The following EXOSC5 variants were observed in gnomAD, a reference collection of about 807,000 sequenced individuals.
EXOSC5 encodes the protein exosome component 5, also known as exosome complex component RRP46.
A neutral mutation model predicts 23.7 loss-of-function variants in EXOSC5; 15 were observed. The ratio of observed to expected loss-of-function variants is 0.63; its 90% CI spans 0.42 to 0.97. The LOEUF (loss-of-function observed/expected upper bound fraction) is 0.97. Ranked by LOEUF, EXOSC5 falls within the 50% of genes least tolerant of loss-of-function variation. The pLI is 0.00. For missense variants in EXOSC5, 305 were observed against 316.3 expected (o/e 0.96, Z 0.27); for synonymous variants, 143 against 140.9 (o/e 1.02, Z -0.11).
intron 2 of EXOSC5, among the ~76,000 whole-genome samples, chr19:41,392,639 A>C (rs1009456608): frequency 1.3e-5 from 2 of 152,012 alleles, no homozygotes; most frequent in Non-Finnish European, 2.9e-5. Flanking sequence ...TAATGGAATG[A>C]ATGAGAGTGG....
At chr19:41,394,897 G>T (rs1208044926) in intron 1 of EXOSC5, among the ~76,000 whole-genome samples, 2 of 151,970 alleles carry the variant, frequency 1.3e-5, no homozygotes, top group Admixed American at 1.3e-4. Flanking sequence ...AGCCGGGCGC[G>T]GTGGCACGCA....
At chr19:41,393,510 A>G (rs967716639) in intron 1 of EXOSC5, among the ~76,000 whole-genome samples, 5 of 151,612 alleles carry the variant, frequency 3.3e-5, no homozygotes, top group Admixed American at 2.0e-4. Context: ...TGTAATCCCA[A>G]GGTGCTAGGA....
intron 3 of EXOSC5, 136 bp downstream of exon 3, chr19:41,391,705 T>C: frequency 2.5e-6 from 3 of 1,223,814 alleles, no homozygotes; most frequent in South Asian, 1.8e-5. Flanking sequence ...CCCAGGCTGT[T>C]TGCTCTCCTT....
At position 41,387,539 on chromosome 19, in the gene EXOSC5, G is replaced by A. The variant is rs2038993130; in HGVS notation, c.590C>T (p.Thr197Ile). 1.9e-6 allele frequency: 3 copies of A among 1,605,068 alleles called. No individual in the cohort carries two copies. The highest frequency in any genetic ancestry group is 2.6e-6 in the Non-Finnish European group (3 of 1,176,440). Reference protein sequence around the residue: ...SVERKLLMSSTKGLYSDTELQ... With the variant: ...SVERKLLMSSIKGLYSDTELQ... ...CTCAGTGTCTGAGTAGAGCCCCTTGGTGCTGGACATCAGCAGCTTCCGTTC... is the reference window on the plus strand; with the variant it reads ...CTCAGTGTCTGAGTAGAGCCCCTTGATGCTGGACATCAGCAGCTTCCGTTC... The change falls in exon 5 of 6, where the codon ACC becomes ATC. Residue 197 changes from threonine to isoleucine, a missense_variant. Thr to Ile is a moderately conservative substitution (Grantham distance 89). Coordinates refer to ENST00000221233, the MANE Select transcript of EXOSC5 (RefSeq NM_020158.4).
chr19:41,394,339 T>C (rs534085905), intron 1 of EXOSC5, among the ~76,000 whole-genome samples: 14 of 147,012 alleles, frequency 9.5e-5, no homozygotes, highest in Non-Finnish European at 1.6e-4. Context: ...GATCACACCA[T>C]TGCACTCCAG....
At chr19:41,391,644 G>A in intron 3 of EXOSC5, 197 bp downstream of exon 3, 1 of 605,474 alleles carries the variant, frequency 1.7e-6, no homozygotes, top group Non-Finnish European at 2.6e-6. Context: ...TATATTACAT[G>A]AGTTAATGTG....
At chr19:41,386,807 C>A in intron 5 of EXOSC5, 82 bp from the exon 6 acceptor site, 7 of 1,250,254 alleles carry the variant, frequency 5.6e-6, no homozygotes, top group Non-Finnish European at 7.8e-6. Context: ...GTTCTGCTGA[C>A]CCCACCTGAC....
chr19:41,391,033 C>T (rs1256632069), intron 3 of EXOSC5, among the ~76,000 whole-genome samples: 1 of 152,152 alleles, frequency 6.6e-6, no homozygotes, highest in Non-Finnish European at 1.5e-5. Context: ...AGGGCGCCCC[C>T]AGCACTGAGG....
At chr19:41,390,373 T>C (rs1044609655) in intron 3 of EXOSC5, among the ~76,000 whole-genome samples, 2 of 152,224 alleles carry the variant, frequency 1.3e-5, no homozygotes, top group African/African-American at 4.8e-5. Context: ...GGGGATCAAG[T>C]AGCCCTGGGT....
intron 1 of EXOSC5, 36 bp from the exon 2 acceptor site, chr19:41,393,016 T>C (rs1419051686): frequency 6.3e-7 from 1 of 1,590,764 alleles, no homozygotes; most frequent in Non-Finnish European, 8.6e-7. Context: ...ACTCACAGCT[T>C]CCCTGCTCCT....
chr19:41,390,590 C>T (rs1050799552), intron 3 of EXOSC5, among the ~76,000 whole-genome samples: 18 of 152,268 alleles, frequency 1.2e-4, no homozygotes, highest in African/African-American at 3.9e-4. Flanking sequence ...AAGCCAGGCC[C>T]GAAACTTGGG....
chr19:41,392,085 AG>A (rs771598595), intron 2 of EXOSC5, 123 bp from the exon 3 acceptor site: 3 of 1,395,182 alleles, frequency 2.2e-6, no homozygotes, highest in Non-Finnish European at 2.9e-6. Flanking sequence ...AGTTACCTGC[AG>A]GGATGATGGA....
At chr19:41,393,060 AG>A in intron 1 of EXOSC5, 80 bp from the exon 2 acceptor site, 1 of 1,132,622 alleles carries the variant, frequency 8.8e-7, no homozygotes. Context: ...CCTGACGGCC[AG>A]GGCTCCCCAC....
chr19:41,392,138 T>A, intron 2 of EXOSC5, 176 bp from the exon 3 acceptor site: 1 of 845,298 alleles, frequency 1.2e-6, no homozygotes, highest in Non-Finnish European at 1.7e-6. Context: ...TGCCATCCAC[T>A]GACCCCTGCT....
intron 2 of EXOSC5, chr19:41,392,248 T>A (rs142425571): frequency 4.4e-6 from 2 of 456,816 alleles, no homozygotes; most frequent in East Asian, 4.4e-5. Flanking sequence ...GCAGGTCCAG[T>A]CAGTGGGGAC....
intron 1 of EXOSC5, among the ~76,000 whole-genome samples, chr19:41,394,380 A>AT (rs1201071038): frequency 3.0e-4 from 46 of 151,280 alleles, no homozygotes; most frequent in Non-Finnish European, 5.2e-4. Context: ...CTTAGTCTCA[A>AT]TAAAAAAAAA....
intron 3 of EXOSC5, among the ~76,000 whole-genome samples, chr19:41,390,261 A>G (rs1425388466): frequency 6.6e-6 from 1 of 152,188 alleles, no homozygotes; most frequent in Non-Finnish European, 1.5e-5. Flanking sequence ...AGGCCTGGCC[A>G]GCAGAGCAGA....
At position 41,391,182 on chromosome 19, in the gene EXOSC5, C is replaced by A. The variant is rs865872192; in HGVS notation, c.384+659G>T. ...GAGTTCGAGACCAGCCTGGCCAACA[C>A]AGCAAAACCCCGTCTCTACTAAAAA... On this transcript the variant is annotated intron_variant, in intron 3 of 5. Coordinates refer to ENST00000221233, the MANE Select transcript of EXOSC5 (RefSeq NM_020158.4). Among the ~76,000 whole-genome samples, 3 of 152,140 alleles carry A rather than the reference C, an allele frequency of 2.0e-5. No individual in the cohort carries two copies. In the South Asian group the frequency reaches 6.2e-4, roughly 32 times the overall value.
intron 1 of EXOSC5, among the ~76,000 whole-genome samples, chr19:41,394,925 T>C (rs895956770): frequency 2.6e-5 from 4 of 151,028 alleles, no homozygotes; most frequent in South Asian, 2.1e-4. Flanking sequence ...TCCCAGCTAC[T>C]CAGGAGGCTG....
Sources: gnomAD v4.1 joint callset for allele counts (sites outside exome capture counted in the v4.1 genomes callset) on GRCh38, gnomAD v4.1.1 for gene constraint, MANE v1.5 for transcripts, NCBI Gene and HGNC (gene_info 2026-07-23, HGNC 2026-07-21) for gene names.